Variants in DKK2 observed in about 807,000 individuals in gnomAD.
DKK2 encodes the protein dickkopf-related protein 2.
A neutral mutation model predicts 28.1 loss-of-function variants in DKK2; 11 were observed. That is an observed-to-expected ratio of 0.39 (90% CI 0.25 to 0.65). DKK2 has a LOEUF of 0.65. DKK2 is among the 30% of genes least tolerant of loss of function. The pLI is 0.47. For missense variants in DKK2, 326 were observed against 335.5 expected (o/e 0.97, Z 0.22); for synonymous variants, 135 against 126.5 (o/e 1.07, Z -0.45).
At chr4:106,941,411 T>C (rs986970009) in intron 1 of DKK2, among the ~76,000 whole-genome samples, 1 of 152,178 alleles carries the variant, frequency 6.6e-6, no homozygotes, top group African/African-American at 2.4e-5. Flanking sequence ...TTATCTCATA[T>C]AATCAGTTCT....
chr4:106,985,438 G>A (rs1723102129), intron 1 of DKK2, among the ~76,000 whole-genome samples: 1 of 151,960 alleles, frequency 6.6e-6, no homozygotes, highest in Admixed American at 6.6e-5. Flanking sequence ...ACGAGTGAAG[G>A]GTACACCGGA....
rs150037065 is a variant in DKK2, at chr4:107,003,191, T to G, written c.222+32179A>C. Among the ~76,000 whole-genome samples the G allele has an allele frequency of 5.5e-4, 84 of 152,332 alleles. No homozygotes were observed. In the East Asian group the frequency reaches 0.012, roughly 21 times the overall value. ...TCAGTGGCTTTGGCTCAGAGATCTC[T>G]GCCTTAATTTCACATAGCATCCTCC... On this transcript the variant is annotated intron_variant, in intron 1 of 3. Coordinates refer to ENST00000285311, the MANE Select transcript of DKK2 (RefSeq NM_014421.3).
rs113561420 is a variant in DKK2 at position 106,922,272 on chromosome 4, C to A, written c.*1682G>T. 6 of 152,186 alleles carry A rather than the reference C, an allele frequency of 3.9e-5. 1 individual carries two copies. Among genetic ancestry groups the A allele is most frequent in the African/African-American group, 1.4e-4 (6 of 41,524 alleles). 9.4% of individuals were successfully genotyped at this position (152,186 alleles called of 1,614,324 possible). A position where few individuals can be genotyped will look rare whatever the true frequency, so the allele number is the denominator to read the frequency against. Reference sequence around the variant, plus strand: ...CTGGGAGAACTTAAATTTGAGACTGCAGATGGGATTTAAGTAAAAGAAAAC... The same window carrying A: ...CTGGGAGAACTTAAATTTGAGACTGAAGATGGGATTTAAGTAAAAGAAAAC... On this transcript the variant is annotated 3_prime_UTR_variant, in exon 4 of 4. Coordinates refer to ENST00000285311, the MANE Select transcript of DKK2 (RefSeq NM_014421.3).
chr4:106,992,446 G>A (rs1054248220), intron 1 of DKK2, among the ~76,000 whole-genome samples: 2 of 152,142 alleles, frequency 1.3e-5, no homozygotes, highest in South Asian at 2.1e-4. Context: ...TTGAAAGTTT[G>A]CTTTTGGATT....
At chr4:106,975,602 T>G (rs1722932468) in intron 1 of DKK2, among the ~76,000 whole-genome samples, 1 of 152,180 alleles carries the variant, frequency 6.6e-6, no homozygotes, top group African/African-American at 2.4e-5. Context: ...TTATCATTTT[T>G]TATTATGTCT....
intron 1 of DKK2, among the ~76,000 whole-genome samples, chr4:107,009,288 CT>C (rs1356444276): frequency 6.6e-6 from 1 of 151,732 alleles, no homozygotes; most frequent in African/African-American, 2.4e-5. Context: ...ATTTTGAGAT[CT>C]GAAGAATTCA....
intron 1 of DKK2, among the ~76,000 whole-genome samples, chr4:106,932,310 C>T (rs547853986): frequency 1.1e-4 from 17 of 152,202 alleles, no homozygotes; most frequent in African/African-American, 4.1e-4. Context: ...ATTCAGAAAG[C>T]GTCATTTAAA....
intron 1 of DKK2, among the ~76,000 whole-genome samples, chr4:107,002,032 C>A (rs80077054): frequency 0.019 from 2,945 of 152,252 alleles, 41 homozygotes; most frequent in Middle Eastern, 0.037. Flanking sequence ...CAAAGTTAAG[C>A]AGGAAGTCAA....
intron 1 of DKK2, among the ~76,000 whole-genome samples, chr4:106,964,544 T>G (rs958116063): frequency 2.6e-5 from 4 of 152,196 alleles, no homozygotes; most frequent in African/African-American, 9.7e-5. Flanking sequence ...TGTTGATTTC[T>G]TGAGGCGATG....
At chr4:106,948,125 G>A (rs1049835506) in intron 1 of DKK2, among the ~76,000 whole-genome samples, 4 of 152,092 alleles carry the variant, frequency 2.6e-5, no homozygotes, top group African/African-American at 7.2e-5. Flanking sequence ...AGCCTACTCC[G>A]AGACTGTCAA....
chr4:106,969,508 A>C (rs1044726291), intron 1 of DKK2, among the ~76,000 whole-genome samples: 6 of 152,044 alleles, frequency 3.9e-5, no homozygotes, highest in Admixed American at 6.6e-5. Context: ...ACTTGCACCA[A>C]GTGTAGTATT....
chr4:107,026,019 G>T (rs908023911), intron 1 of DKK2, among the ~76,000 whole-genome samples: 3 of 152,198 alleles, frequency 2.0e-5, no homozygotes, highest in Non-Finnish European at 4.4e-5. Context: ...CAGAGGCATT[G>T]ATTATAGTAC....
chr4:106,993,755 G>A (rs989345671), intron 1 of DKK2, among the ~76,000 whole-genome samples: 1 of 152,130 alleles, frequency 6.6e-6, no homozygotes, highest in African/African-American at 2.4e-5. Flanking sequence ...CAAATTCATT[G>A]CTTTGATTAT....
intron 1 of DKK2, among the ~76,000 whole-genome samples, chr4:107,029,463 CAA>C (rs1180571058): frequency 1.3e-5 from 2 of 152,210 alleles, no homozygotes; most frequent in East Asian, 1.9e-4. Flanking sequence ...CCTAGAGGAT[CAA>C]AAGAGTTAAC....
At chr4:107,022,885 T>C (rs1194377095) in intron 1 of DKK2, among the ~76,000 whole-genome samples, 1 of 152,094 alleles carries the variant, frequency 6.6e-6, no homozygotes, top group Non-Finnish European at 1.5e-5. Flanking sequence ...AGATTGTTTC[T>C]AACTTGGTCA....
At chr4:106,979,533 G>T (rs1424679632) in intron 1 of DKK2, among the ~76,000 whole-genome samples, 1 of 150,212 alleles carries the variant, frequency 6.7e-6, no homozygotes, top group Non-Finnish European at 1.5e-5. Context: ...TTTAACTGCC[G>T]CTAAGATTTA....
chr4:106,954,265 A>G (rs1433535944), intron 1 of DKK2, among the ~76,000 whole-genome samples: 2 of 152,190 alleles, frequency 1.3e-5, no homozygotes, highest in Admixed American at 6.5e-5. Context: ...AGTACTGTGC[A>G]TATGAACTTC....
intron 1 of DKK2, among the ~76,000 whole-genome samples, chr4:106,965,865 G>A (rs1371730979): frequency 2.7e-5 from 4 of 149,252 alleles, no homozygotes. Context: ...TTGTTCTTGC[G>A]ATAGTTTACT....
Position 107,015,509 on chromosome 4 carries a change from A to C in DKK2, c.222+19861T>G, listed in dbSNP as rs932498025. Among the ~76,000 whole-genome samples, 4 of 151,666 alleles carry C rather than the reference A, an allele frequency of 2.6e-5. No individual in the cohort carries two copies. The East Asian group carries it at 5.8e-4, about 22-fold the overall frequency. On this transcript the variant is annotated intron_variant, in intron 1 of 3. Transcript: ENST00000285311. ...ACTACAGGCACTACATACATCTCCC[A>C]ATTAGTGGCCTGTTTTCTATTTTCT...
Sources: allele counts gnomAD v4.1 joint callset (sites outside exome capture counted in the v4.1 genomes callset), GRCh38; gene constraint gnomAD v4.1.1; transcripts MANE v1.5; gene names NCBI Gene and HGNC (gene_info 2026-07-23, HGNC 2026-07-21).